The following NOSTRIN variants were observed in gnomAD, a reference collection of about 807,000 sequenced individuals.
NOSTRIN encodes the protein nitric oxide synthase trafficking, also known as BM247 homolog.
In NOSTRIN, 63 loss-of-function variants were observed where a neutral mutation model predicts 59.0. The observed-to-expected ratio is 1.07, with a 90% CI of 0.87 to 1.32. The LOEUF (loss-of-function observed/expected upper bound fraction) is 1.32, where lower values mean the gene tolerates loss of function less well. NOSTRIN is among the 40% of genes most tolerant of loss of function. The pLI, the probability that NOSTRIN is intolerant of heterozygous loss-of-function variation, is 0.00. For missense variants in NOSTRIN, 512 were observed against 473.1 expected, an observed-to-expected ratio of 1.08 and a Z score of -0.76; for synonymous variants, 200 against 165.4, an observed-to-expected ratio of 1.21 and a Z score of -1.61.
At position 168,855,384 on chromosome 2, in the gene NOSTRIN, G is replaced by C; in HGVS notation, c.888G>C (p.Glu296Asp). 6.2e-7 allele frequency: 1 copy of C among 1,608,038 alleles called. No individual in the cohort carries two copies. Among genetic ancestry groups the C allele is most frequent in the East Asian group, 2.2e-5 (1 of 44,676 alleles). The change falls in exon 11 of 16, where the codon GAG becomes GAC. Residue 296 changes from glutamate to aspartate, a missense_variant. Coordinates refer to ENST00000317647, the MANE Select transcript of NOSTRIN (RefSeq NM_001039724.4). The stretch of plus-strand genomic sequence containing the variant: ...ATCCTAACAGTGCAATGGATAAAGA[G>C]AGACGAAAGTCTTTACTAAAACCAA... ...EEDPNSAMDKERRKSLLKPKL... is the reference protein window; with the variant it reads ...EEDPNSAMDKDRRKSLLKPKL...
At position 168,811,553 on chromosome 2, in the gene NOSTRIN, T is replaced by G. The variant is rs767164672; in HGVS notation, c.28-14T>G. The G allele has an allele frequency of 6.3e-6, 5 of 796,946 alleles. No individual in the cohort carries two copies. The South Asian group carries it at 7.7e-5, about 12-fold the overall frequency. 49.4% of individuals were successfully genotyped at this position (796,946 alleles called of 1,614,324 possible). A position where few individuals can be genotyped will look rare whatever the true frequency, so the allele number is the denominator to read the frequency against. ...CCTGTTCATTGTTTTTTTGTTATTG[T>G]TCTTGTTTTTCAGTATAATAAAGTA... is the stretch of plus-strand genomic sequence containing the variant. On this transcript the variant is annotated splice_polypyrimidine_tract_variant and intron_variant, in intron 1 of 15. Coordinates refer to ENST00000317647, the MANE Select transcript of NOSTRIN (RefSeq NM_001039724.4).
intron 8 of NOSTRIN, among the ~76,000 whole-genome samples, chr2:168,844,066 C>T (rs1688255172): frequency 6.6e-6 from 1 of 152,142 alleles, no homozygotes; most frequent in Non-Finnish European, 1.5e-5. Context: ...CCTCGAAAAA[C>T]ATGATGTTGA....
intron 7 of NOSTRIN, among the ~76,000 whole-genome samples, chr2:168,840,543 A>C (rs772624623): frequency 0.018 from 2,745 of 151,478 alleles, 44 homozygotes; most frequent in Non-Finnish European, 0.027. Flanking sequence ...AAAAAAAAAA[A>C]AAAAAAAACA....
At chr2:168,800,328 G>A (rs1221625235), upstream of NOSTRIN, among the ~76,000 whole-genome samples, 1 of 152,210 alleles carries the variant, frequency 6.6e-6, no homozygotes, top group Non-Finnish European at 1.5e-5. Flanking sequence ...TTGTTACACA[G>A]CATTATTGTG....
intron 2 of NOSTRIN, chr2:168,818,184 C>T (rs1403190562): frequency 2.8e-6 from 1 of 360,942 alleles, no homozygotes; most frequent in Non-Finnish European, 5.7e-6. Flanking sequence ...ATGGGGTTCT[C>T]ATTCTGCTGC....
chr2:168,836,825 T>C (rs1687747781), intron 7 of NOSTRIN, among the ~76,000 whole-genome samples: 1 of 152,206 alleles, frequency 6.6e-6, no homozygotes, highest in Non-Finnish European at 1.5e-5. Context: ...CTCTTGATTA[T>C]CCCATATTTC....
chr2:168,798,126 T>C (rs1685532120), upstream of NOSTRIN: 1 of 152,214 alleles, frequency 6.6e-6, no homozygotes, highest in Non-Finnish European at 1.5e-5. Context: ...TTTATTGTTA[T>C]TTTTAAAATT....
intron 2 of NOSTRIN, among the ~76,000 whole-genome samples, chr2:168,815,596 T>C (rs1686352671): frequency 2.6e-5 from 4 of 152,206 alleles, no homozygotes; most frequent in African/African-American, 9.6e-5. Flanking sequence ...CAATCCATGA[T>C]TCATTGCGGA....
Position 168,865,074 on chromosome 2 carries a change from T to C in NOSTRIN, c.*104T>C. ...ACCTTTACATGTTTTTCTTTTGAAA[T>C]GGATGGAGTTCTACCTGCATGTCAC... On this transcript the variant is annotated 3_prime_UTR_variant, in exon 16 of 16. Transcript: ENST00000317647. The C allele has an allele frequency of 4.8e-6, 6 of 1,261,916 alleles. No individual in the cohort carries two copies. Among genetic ancestry groups the C allele is most frequent in the Non-Finnish European group, 6.6e-6 (6 of 909,110 alleles). 78.2% of individuals were successfully genotyped at this position (1,261,916 alleles called of 1,614,324 possible). A position where few individuals can be genotyped will look rare whatever the true frequency, so the allele number is the denominator to read the frequency against.
intron 2 of NOSTRIN, among the ~76,000 whole-genome samples, chr2:168,820,086 A>G (rs1474937175): frequency 2.0e-5 from 3 of 152,192 alleles, no homozygotes; most frequent in Non-Finnish European, 4.4e-5. Context: ...AATTTTTGAA[A>G]GCCCTTTTGT....
At chr2:168,850,733 T>C (rs1688710022) in intron 8 of NOSTRIN, 1 of 685,010 alleles carries the variant, frequency 1.5e-6, no homozygotes, top group East Asian at 2.7e-5. Context: ...CCCAACATGG[T>C]GAAACCCCAT....
chr2:168,856,779 G>A lies in NOSTRIN; in HGVS notation c.1053+1G>A. 1 of 1,613,570 alleles carries A rather than the reference G, an allele frequency of 6.2e-7. No individual in the cohort carries two copies. Among genetic ancestry groups the A allele is most frequent in the Non-Finnish European group, 8.5e-7 (1 of 1,179,450 alleles). Reference sequence around the variant, plus strand: ...AGACACAGCAGCGTTAATGGATGAGGTAAATGTTTGCCGAGTGCATTTCCT... The same window carrying A: ...AGACACAGCAGCGTTAATGGATGAGATAAATGTTTGCCGAGTGCATTTCCT... On this transcript the variant is annotated splice_donor_variant, in intron 12 of 15. Coordinates refer to ENST00000317647, the MANE Select transcript of NOSTRIN (RefSeq NM_001039724.4). LOFTEE classifies it high-confidence loss of function.
intron 7 of NOSTRIN, 25 bp downstream of exon 7, chr2:168,834,350 G>T (rs554930515): frequency 9.2e-6 from 8 of 868,452 alleles, no homozygotes; most frequent in Non-Finnish European, 1.6e-5. Context: ...CTGGCTGGGC[G>T]CATGTGCCAT....
chr2:168,834,122 T>C (rs971223511), intron 6 of NOSTRIN, 105 bp from the exon 7 acceptor site: 7 of 658,094 alleles, frequency 1.1e-5, no homozygotes, highest in African/African-American at 7.3e-5. Flanking sequence ...GGATACATAA[T>C]TGTTAAAGCT....
Position 168,864,981 on chromosome 2 carries a change from T to C in NOSTRIN, c.*11T>C, listed in dbSNP as rs1207645134. ...GCTACAAAGGCATAAAACAAGACTC[T>C]GAACATACTACCTTCACACTCGGTA... On this transcript the variant is annotated 3_prime_UTR_variant, in exon 16 of 16. Coordinates refer to ENST00000317647, the MANE Select transcript of NOSTRIN (RefSeq NM_001039724.4). 6 of 1,613,672 alleles carry C rather than the reference T, an allele frequency of 3.7e-6. No individual in the cohort carries two copies. Among genetic ancestry groups the C allele is most frequent in the Non-Finnish European group, 5.1e-6 (6 of 1,179,828 alleles).
chr2:168,805,008 A>T lies in NOSTRIN; in HGVS notation c.27+2335A>T, dbSNP rs901923393. The stretch of plus-strand genomic sequence containing the variant: ...TATGTAATTTAGTATGTTAATAAAA[A>T]AGCACATAATATCATAATTTTAAAA... On this transcript the variant is annotated intron_variant, in intron 1 of 15. Transcript: ENST00000317647. Among the ~76,000 whole-genome samples the T allele has an allele frequency of 4.6e-5, 7 of 152,246 alleles. No individual in the cohort carries two copies. In the East Asian group the frequency reaches 1.3e-3, roughly 29 times the overall value.
At chr2:168,802,273 A>G (rs829958), upstream of NOSTRIN, 35,727 of 223,150 alleles carry the variant, frequency 0.16, 3,324 homozygotes, top group African/African-American at 0.24. Flanking sequence ...AGCATGATTA[A>G]TACTGCAGGC....
intron 7 of NOSTRIN, among the ~76,000 whole-genome samples, chr2:168,836,716 C>T (rs185186170): frequency 1.3e-5 from 2 of 152,202 alleles, no homozygotes; most frequent in Non-Finnish European, 2.9e-5. Flanking sequence ...AGCACAGCCA[C>T]CTGCCTACTG....
rs1379625125 is a variant in NOSTRIN at position 168,813,555 on chromosome 2, C to G, written c.113+1903C>G. On this transcript the variant is annotated intron_variant, in intron 2 of 15. Transcript: ENST00000317647. ...GTTTTCTTGAAGTCTCTTCCTAGGG[C>G]TGCCATCTGCCCTGGACCTATTAAT... Among the ~76,000 whole-genome samples, 3 of 152,112 alleles carry G rather than the reference C, an allele frequency of 2.0e-5. No individual in the cohort carries two copies. In the East Asian group the frequency reaches 5.8e-4, roughly 29 times the overall value.
Sources: allele counts gnomAD v4.1 joint callset (sites outside exome capture counted in the v4.1 genomes callset), GRCh38; gene constraint gnomAD v4.1.1; transcripts MANE v1.5; gene names NCBI Gene and HGNC (gene_info 2026-07-23, HGNC 2026-07-21).